XKR6: variants seen among roughly 807,000 people sequenced by gnomAD.
XKR6 encodes XK-related protein 6.
Under a neutral mutation model 56.7 loss-of-function variants are expected in XKR6, and 22 were observed. That is an observed-to-expected ratio of 0.39 (90% CI 0.28 to 0.55). The LOEUF (loss-of-function observed/expected upper bound fraction) is 0.55. XKR6 is among the 20% of genes least tolerant of loss of function. The probability of loss-of-function intolerance (pLI) is 0.66; values close to 1 mark genes in which losing one functional copy is unlikely to be tolerated. For synonymous variants in XKR6, 524 were observed against 387.8 expected, an observed-to-expected ratio of 1.35 and a Z score of -4.13; for missense variants, 852 against 889.0, an observed-to-expected ratio of 0.96 and a Z score of 0.53.
chr8:10,955,814 G>C (rs1801869797), intron 1 of XKR6, among the ~76,000 whole-genome samples: 1 of 152,212 alleles, frequency 6.6e-6, no homozygotes, highest in Non-Finnish European at 1.5e-5. Context: ...GGTAGGATGA[G>C]ATCCAGGCCC....
intron 1 of XKR6, among the ~76,000 whole-genome samples, chr8:11,003,371 G>A (rs889814713): frequency 3.3e-5 from 5 of 151,620 alleles, no homozygotes; most frequent in Admixed American, 1.3e-4. Context: ...TACCATCATC[G>A]TCATTACATC....
chr8:11,164,805 C>A (rs1409452249), intron 1 of XKR6, among the ~76,000 whole-genome samples: 1 of 152,166 alleles, frequency 6.6e-6, no homozygotes, highest in Non-Finnish European at 1.5e-5. Flanking sequence ...TTCTCAAGAC[C>A]ACTCCTAGCC....
intron 1 of XKR6, among the ~76,000 whole-genome samples, chr8:11,111,028 T>C (rs1798867589): frequency 9.7e-6 from 1 of 102,674 alleles, no homozygotes; most frequent in South Asian, 3.0e-4. Context: ...TTTTTTTTTT[T>C]TTTTTTTAGT....
At chr8:11,033,090 AATG>A (rs985600043) in intron 1 of XKR6, among the ~76,000 whole-genome samples, 16 of 151,554 alleles carry the variant, frequency 1.1e-4, no homozygotes, top group South Asian at 2.1e-4. Flanking sequence ...TAATGGTGAT[AATG>A]ATGATGATGA....
At chr8:11,182,328 A>G (rs1284057747) in intron 1 of XKR6, among the ~76,000 whole-genome samples, 1 of 152,198 alleles carries the variant, frequency 6.6e-6, no homozygotes, top group Non-Finnish European at 1.5e-5. Context: ...GAATAATTTC[A>G]GCCTTAATGA....
intron 1 of XKR6, among the ~76,000 whole-genome samples, chr8:11,130,316 T>C (rs1424982846): frequency 1.3e-5 from 2 of 152,150 alleles, no homozygotes; most frequent in East Asian, 3.8e-4. Context: ...GGTCAAGATC[T>C]AAGTTCGGGA....
chr8:10,951,298 T>G (rs370541647), intron 1 of XKR6, among the ~76,000 whole-genome samples: 3,699 of 84,054 alleles, frequency 0.044, 62 homozygotes, highest in East Asian at 0.076. Flanking sequence ...TGTGTGTGTG[T>G]GGGGGGGGGG....
In XKR6 at chr8:10,898,235, G is replaced by A. The variant is rs374159213; in HGVS notation, c.1643C>T (p.Thr548Met). The A allele has an allele frequency of 1.1e-4, 183 of 1,614,022 alleles. No individual in the cohort carries two copies. The highest frequency in any genetic ancestry group is 2.5e-4 in the African/African-American group (19 of 74,922). Residue 548 changes from threonine (T) to methionine (M), a missense_variant, in exon 3 of 3, where the codon ACG becomes ATG. Thr to Met is a moderately conservative substitution (Grantham distance 81). Around this residue, in one of 4 missense-constraint regions of XKR6, gnomAD observed 197 missense variants for 190.9 expected, o/e 1.03. Coordinates refer to ENST00000416569, the MANE Select transcript of XKR6 (RefSeq NM_173683.4). This position sits in a 1 kb window ranked among gnomAD's most constrained non-coding sequence, Gnocchi z 6.6. ...GTQVTPTRAV[T>M]EQQEDLTADT... ...AGCCGTGAGATCCTCCTGTTGTTCC[G>A]TTACGGCTCTGGTGGGCGTAACCTG...
At chr8:11,151,678 TGTCA>T (rs1419110620) in intron 1 of XKR6, among the ~76,000 whole-genome samples, 1 of 152,084 alleles carries the variant, frequency 6.6e-6, no homozygotes, top group Non-Finnish European at 1.5e-5. Context: ...ACGATCCATT[TGTCA>T]GTCTTTGAAC....
At chr8:11,112,502 T>C (rs996264356) in intron 1 of XKR6, among the ~76,000 whole-genome samples, 8 of 152,146 alleles carry the variant, frequency 5.3e-5, no homozygotes, top group Non-Finnish European at 8.8e-5. Flanking sequence ...AATATTAATA[T>C]ACAAAAGTGA....
chr8:10,997,696 G>T (rs1241614872), intron 1 of XKR6, among the ~76,000 whole-genome samples: 1 of 152,134 alleles, frequency 6.6e-6, no homozygotes, highest in Non-Finnish European at 1.5e-5. Context: ...AAAGTGGGAG[G>T]TGCTGGCAAC....
chr8:10,938,815 C>G (rs573420239), intron 1 of XKR6, among the ~76,000 whole-genome samples: 1 of 152,246 alleles, frequency 6.6e-6, no homozygotes, highest in African/African-American at 2.4e-5. Flanking sequence ...AAGACCTCTA[C>G]AAACACACAT....
chr8:11,043,128 G>C (rs567521232), intron 1 of XKR6, among the ~76,000 whole-genome samples: 1 of 152,138 alleles, frequency 6.6e-6, no homozygotes, highest in East Asian at 1.9e-4. Context: ...ATGCATTATG[G>C]GAGGATAAAA....
chr8:10,911,337 ATATGTG>A lies in XKR6; in HGVS notation c.962-12427_962-12422del, dbSNP rs756182840. Among the ~76,000 whole-genome samples, 5 of 114,636 alleles carry A rather than the reference ATATGTG, an allele frequency of 4.4e-5. No individual in the cohort carries two copies. In the South Asian group the frequency reaches 8.1e-4, roughly 19 times the overall value. The allele number at this position is 114,636 out of a possible 152,430, so 75.2% of individuals were successfully genotyped here. The stretch of plus-strand genomic sequence containing the variant: ...AGAGGGTGAGTATATATATATATAT[ATATGTG>A]TGTGTGTGTGTGTATATATATATAT... On this transcript the variant is annotated intron_variant, in intron 2 of 2. Coordinates refer to ENST00000416569, the MANE Select transcript of XKR6 (RefSeq NM_173683.4).
intron 2 of XKR6, among the ~76,000 whole-genome samples, chr8:10,901,955 G>C (rs1436478290): frequency 6.6e-6 from 1 of 152,216 alleles, no homozygotes; most frequent in Non-Finnish European, 1.5e-5. Flanking sequence ...CAGTTGCAAA[G>C]CCAAATAGAA....
At chr8:11,062,020 C>T (rs1799847889) in intron 1 of XKR6, among the ~76,000 whole-genome samples, 1 of 152,224 alleles carries the variant, frequency 6.6e-6, no homozygotes, top group Non-Finnish European at 1.5e-5. Context: ...CTGGCTCATA[C>T]ATCCAGGGGA....
intron 1 of XKR6, among the ~76,000 whole-genome samples, chr8:11,097,304 A>T (rs1055407544): frequency 6.6e-6 from 1 of 152,154 alleles, no homozygotes; most frequent in East Asian, 1.9e-4. Context: ...CCACTTCTAC[A>T]TTCAGGATGC....
rs143609189 is a variant in XKR6 at position 11,113,674 on chromosome 8, T to G, written c.764+86902A>C. On this transcript the variant is annotated intron_variant, in intron 1 of 2. Transcript: ENST00000416569. ...AAAACCCTATTGTTTAAAAAAAAATTTCAATCTCCAACTCCTAATGGCTCA... is the reference window on the plus strand; with the variant it reads ...AAAACCCTATTGTTTAAAAAAAAATGTCAATCTCCAACTCCTAATGGCTCA... 5.3e-5 allele frequency among the ~76,000 whole-genome samples: 8 copies of G among 152,288 alleles called. No individual in the cohort carries two copies. The East Asian group carries it at 1.2e-3, about 22-fold the overall frequency.
intron 1 of XKR6, chr8:11,137,735 G>A (rs1348901062): frequency 6.6e-6 from 3 of 456,124 alleles, no homozygotes; most frequent in Non-Finnish European, 8.8e-6. Context: ...AAGAAAACCA[G>A]TTGGCTCTGA....
Sources: allele counts gnomAD v4.1 joint callset (sites outside exome capture counted in the v4.1 genomes callset), GRCh38; gene constraint gnomAD v4.1.1; regional missense constraint gnomAD v4.1.1; non-coding constraint Gnocchi (gnomAD v3.1); transcripts MANE v1.5; gene names NCBI Gene and HGNC (gene_info 2026-07-23, HGNC 2026-07-21).